DHX8: variants seen among roughly 807,000 people sequenced by gnomAD.
The protein encoded by DHX8 is DEAH-box helicase 8.
Under a neutral mutation model 140.7 loss-of-function variants are expected in DHX8, and 67 were observed. That is an observed-to-expected ratio of 0.48 (90% CI 0.39 to 0.58). The LOEUF is 0.58. DHX8 is among the 20% of genes least tolerant of loss of function. The pLI is 0.00. For synonymous variants in DHX8, 533 were observed against 553.2 expected (o/e 0.96, Z 0.51); for missense variants, 887 against 1,550.7 (o/e 0.57, Z 7.19).
At chr17:43,529,220 C>T, downstream of DHX8, 1 of 1,613,970 alleles carries the variant, frequency 6.2e-7, no homozygotes, top group Non-Finnish European at 8.5e-7. Flanking sequence ...CTTCTGGATG[C>T]CCCAGAGCCT....
intron 11 of DHX8, among the ~76,000 whole-genome samples, chr17:43,501,475 C>A (rs938290530): frequency 1.1e-4 from 17 of 152,022 alleles, no homozygotes; most frequent in African/African-American, 4.1e-4. Flanking sequence ...TTGAAAAGTT[C>A]TTTTGTTGTT....
intron 3 of DHX8, among the ~76,000 whole-genome samples, chr17:43,537,915 T>C (rs1971328230): frequency 6.6e-6 from 1 of 151,770 alleles, no homozygotes; most frequent in African/African-American, 2.4e-5. Context: ...GATCACCAGG[T>C]CAGGAGATCA....
chr17:43,539,552 C>T (rs1465956174), intron 3 of DHX8, among the ~76,000 whole-genome samples: 1 of 152,188 alleles, frequency 6.6e-6, no homozygotes, highest in Non-Finnish European at 1.5e-5. Flanking sequence ...TCTTTTTTGT[C>T]ATCTGATGCC....
rs561424381 is a variant in DHX8, at chr17:43,493,842, C to T, written c.1168C>T (p.Arg390Cys). 9.3e-6 allele frequency: 15 copies of T among 1,614,198 alleles called. No individual in the cohort carries two copies. Among genetic ancestry groups the T allele is most frequent in the East Asian group, 4.5e-5 (2 of 44,882 alleles). ...AGAGGACGACTCACTGGAACGCAAG[C>T]GCCTCACCCGAATCTCTGACCCAGA... ...EVEDDSLERK[R>C]LTRISDPEKW... Residue 390 changes from arginine (R) to cysteine (C), a missense_variant, in exon 8 of 23, where the codon CGC becomes TGC. By Grantham distance (180) the Arg-to-Cys change is radical. Around this residue, in one of 9 missense-constraint regions of DHX8, gnomAD observed 98 missense variants for 152.7 expected, o/e 0.64. Transcript: ENST00000262415.
chr17:43,526,645 C>G (rs1418225354), downstream of DHX8: 8 of 1,530,084 alleles, frequency 5.2e-6, no homozygotes, highest in Non-Finnish European at 6.1e-6. Flanking sequence ...TTGTGGAGAC[C>G]TTTCTTTCCC....
intron 9 of DHX8, among the ~76,000 whole-genome samples, chr17:43,496,547 G>T (rs989493061): frequency 6.6e-6 from 1 of 152,136 alleles, no homozygotes; most frequent in African/African-American, 2.4e-5. Flanking sequence ...GGAGGCCGAG[G>T]CCAGCAGATC....
In DHX8 at chr17:43,517,329, A is replaced by G; in HGVS notation, c.2799+7A>G. 1 of 1,612,970 alleles carries G rather than the reference A, an allele frequency of 6.2e-7. No individual in the cohort carries two copies. Among genetic ancestry groups the G allele is most frequent in the Admixed American group, 1.7e-5 (1 of 59,780 alleles). ...CACAGTGCTGTCACTCAAGGTAGAAATCACTGTCTTGTTAAAATGGGTTGG... is the reference window on the plus strand; with the variant it reads ...CACAGTGCTGTCACTCAAGGTAGAAGTCACTGTCTTGTTAAAATGGGTTGG... On this transcript the variant is annotated splice_region_variant and intron_variant, in intron 18 of 22. Coordinates refer to ENST00000262415, the MANE Select transcript of DHX8 (RefSeq NM_004941.3).
chr17:43,522,010 G>C, intron 21 of DHX8, 37 bp from the exon 22 acceptor site: 16 of 1,604,746 alleles, frequency 1.0e-5, no homozygotes, highest in Non-Finnish European at 1.4e-5. Flanking sequence ...ACCTGTGAAA[G>C]CTGAGTGGGC....
At chr17:43,485,921 G>GT (rs1456053067) in intron 1 of DHX8, among the ~76,000 whole-genome samples, 2 of 152,200 alleles carry the variant, frequency 1.3e-5, no homozygotes, top group African/African-American at 4.8e-5. Context: ...CATTGGCTGG[G>GT]TTTGGTGGCT....
chr17:43,497,459 A>G (rs2154586486), intron 9 of DHX8, among the ~76,000 whole-genome samples: 1 of 152,276 alleles, frequency 6.6e-6, no homozygotes, highest in South Asian at 2.1e-4. Flanking sequence ...AATGCATAGA[A>G]TTACTGGGTA....
chr17:43,485,648 G>A (rs573247957), intron 1 of DHX8, among the ~76,000 whole-genome samples: 2 of 151,808 alleles, frequency 1.3e-5, no homozygotes, highest in South Asian at 2.1e-4. Flanking sequence ...TGCTTTCAGG[G>A]AGCTTACCTT....
chr17:43,506,731 C>A (rs1006041112), intron 12 of DHX8, among the ~76,000 whole-genome samples: 1 of 151,738 alleles, frequency 6.6e-6, no homozygotes, highest in African/African-American at 2.4e-5. Flanking sequence ...TTGGCTGTTA[C>A]AAACAACGTA....
intron 9 of DHX8, 107 bp from the exon 10 acceptor site, chr17:43,498,755 A>C: frequency 8.6e-6 from 7 of 811,868 alleles, no homozygotes; most frequent in Non-Finnish European, 1.3e-5. Context: ...CACCAGGGGA[A>C]GCTGTTTTTG....
rs769112662 is a variant in DHX8 at position 43,532,774 on chromosome 17, C to T, written c.351-3638C>T. 13 of 1,613,898 alleles carry T rather than the reference C, an allele frequency of 8.1e-6. No individual in the cohort carries two copies. The South Asian group carries it at 8.8e-5, about 11-fold the overall frequency. On this transcript the variant is annotated intron_variant, in intron 2 of 3. Coordinates refer to the DHX8 transcript ENST00000589898. ...CACCCTGGTCCACGGCTGGCTGGCCCGCCTGTTCATACAGGGGATCATGGT... is the reference window on the plus strand; with the variant it reads ...CACCCTGGTCCACGGCTGGCTGGCCTGCCTGTTCATACAGGGGATCATGGT...
At chr17:43,500,909 C>CA (rs908940686) in intron 11 of DHX8, among the ~76,000 whole-genome samples, 2 of 149,830 alleles carry the variant, frequency 1.3e-5, no homozygotes, top group African/African-American at 4.9e-5. Context: ...GACTCCGTCT[C>CA]AAAAAAAAAA....
In DHX8 at chr17:43,522,020, C is replaced by T. The variant is rs1435122413; in HGVS notation, c.3264-27C>T. 3.1e-6 allele frequency: 5 copies of T among 1,610,232 alleles called. No individual in the cohort carries two copies. The South Asian group carries it at 5.5e-5, about 18-fold the overall frequency. On this transcript the variant is annotated intron_variant, in intron 21 of 22. Transcript: ENST00000262415. ...AATAGACCTGTGAAAGCTGAGTGGG[C>T]TCATATCTTTTGTCCTATCTTGATA...
intron 9 of DHX8, among the ~76,000 whole-genome samples, chr17:43,496,956 T>G (rs1056302075): frequency 6.6e-6 from 1 of 152,194 alleles, no homozygotes; most frequent in African/African-American, 2.4e-5. Flanking sequence ...TGAAATCTTA[T>G]GATAGAATTC....
At chr17:43,520,400 C>A in intron 19 of DHX8, 133 bp downstream of exon 19, 1 of 1,163,030 alleles carries the variant, frequency 8.6e-7, no homozygotes, top group Non-Finnish European at 1.2e-6. Context: ...TTGTTTTTAA[C>A]CTGAATTTCT....
intron 17 of DHX8, among the ~76,000 whole-genome samples, chr17:43,515,184 C>G: frequency 6.6e-6 from 1 of 152,102 alleles, no homozygotes; most frequent in East Asian, 1.9e-4. Context: ...ATAGCTAACA[C>G]TTTTTGTTTT....
Sources: gnomAD v4.1 joint callset for allele counts (sites outside exome capture counted in the v4.1 genomes callset) on GRCh38, gnomAD v4.1.1 for gene constraint, gnomAD v4.1.1 regional missense constraint, MANE v1.5 for transcripts, NCBI Gene and HGNC (gene_info 2026-07-23, HGNC 2026-07-21) for gene names.